Variants in PCGF5 observed in about 807,000 individuals in gnomAD.
The protein encoded by PCGF5 is polycomb group RING finger protein 5.
A neutral mutation model predicts 44.3 loss-of-function variants in PCGF5; 9 were observed. The observed-to-expected ratio is 0.20, with a 90% confidence interval of 0.12 to 0.35. PCGF5 has a LOEUF of 0.35. PCGF5 is among the 10% of genes least tolerant of loss of function. The probability of loss-of-function intolerance (pLI) is 1.00; values close to 1 mark genes in which losing one functional copy is unlikely to be tolerated. For missense variants in PCGF5, 146 were observed against 305.3 expected (o/e 0.48, Z 3.89); for synonymous variants, 95 against 102.5 (o/e 0.93, Z 0.44).
intron 2 of PCGF5, among the ~76,000 whole-genome samples, chr10:91,233,090 G>A (rs1433572478): frequency 2.0e-5 from 3 of 152,058 alleles, no homozygotes; most frequent in East Asian, 1.9e-4. Flanking sequence ...AAGGGGAGTC[G>A]AAGTACAAAA....
chr10:91,249,996 G>T (rs567715947), intron 5 of PCGF5, among the ~76,000 whole-genome samples: 3 of 152,056 alleles, frequency 2.0e-5, no homozygotes, highest in African/African-American at 4.8e-5. Context: ...CAGAAGTTAC[G>T]TGGTAGGTTT....
At chr10:91,178,825 G>A (rs1268997028) in intron 1 of PCGF5, among the ~76,000 whole-genome samples, 2 of 152,102 alleles carry the variant, frequency 1.3e-5, no homozygotes, top group Admixed American at 1.3e-4. Context: ...TGTGTCCAGA[G>A]CCATTCCTTT....
intron 7 of PCGF5, among the ~76,000 whole-genome samples, chr10:91,262,301 C>T (rs1452448563): frequency 6.6e-6 from 1 of 152,174 alleles, no homozygotes; most frequent in East Asian, 1.9e-4. Context: ...TGGCAGGTGC[C>T]TGTATTCTCA....
At chr10:91,172,641 G>T (rs1030685569) in intron 1 of PCGF5, among the ~76,000 whole-genome samples, 19 of 152,218 alleles carry the variant, frequency 1.2e-4, no homozygotes, top group African/African-American at 4.6e-4. Flanking sequence ...TGGCAAAAAG[G>T]TGTTGGTTAC....
intron 1 of PCGF5, among the ~76,000 whole-genome samples, chr10:91,204,178 GTC>G (rs1461273974): frequency 2.0e-5 from 3 of 152,120 alleles, no homozygotes; most frequent in African/African-American, 7.2e-5. Flanking sequence ...ATAAGTTTAT[GTC>G]TACTCTTTAC....
intron 6 of PCGF5, among the ~76,000 whole-genome samples, chr10:91,259,258 C>T (rs1027318257): frequency 1.3e-5 from 2 of 152,098 alleles, no homozygotes; most frequent in African/African-American, 2.4e-5. Context: ...ACACTATTCT[C>T]CCCAACACAA....
chr10:91,284,303 G>A lies in PCGF5; in HGVS notation c.*5987G>A, dbSNP rs1314403373. 1 of 152,438 alleles carries A rather than the reference G, an allele frequency of 6.6e-6. No individual in the cohort carries two copies. The highest frequency in any genetic ancestry group is 1.9e-4 in the East Asian group (1 of 5,202). 9.4% of individuals were successfully genotyped at this position (152,438 alleles called of 1,614,324 possible). A position where few individuals can be genotyped will look rare whatever the true frequency, so the allele number is the denominator to read the frequency against. ...TCTTTAATATTAGTCACTGTAGATT[G>A]CAGCCTTCATTAAAAATATCTCCTT... On this transcript the variant is annotated 3_prime_UTR_variant, in exon 10 of 10. Transcript: ENST00000336126.
rs1485435619 is a variant in PCGF5, at chr10:91,280,968, C to A, written c.*2652C>A. 6.6e-6 allele frequency: 1 copy of A among 152,354 alleles called. No homozygotes were observed. Among genetic ancestry groups the A allele is most frequent in the Admixed American group, 6.6e-5 (1 of 15,258 alleles). 9.4% of individuals were successfully genotyped at this position (152,354 alleles called of 1,614,324 possible). A position where few individuals can be genotyped will look rare whatever the true frequency, so the allele number is the denominator to read the frequency against. On this transcript the variant is annotated 3_prime_UTR_variant, in exon 10 of 10. Transcript: ENST00000336126. The stretch of plus-strand genomic sequence containing the variant: ...GTTTCTTAAGCAATAAACTGAAAGA[C>A]CTTTACTTCCATAAAAGATTTTGTT...
upstream of PCGF5, among the ~76,000 whole-genome samples, chr10:91,216,422 G>T (rs1450374115): frequency 1.3e-5 from 2 of 152,178 alleles, no homozygotes; most frequent in Non-Finnish European, 2.9e-5. Context: ...GGAGCACAGA[G>T]TTCAAGTGGG....
intron 3 of PCGF5, among the ~76,000 whole-genome samples, chr10:91,243,596 G>A (rs1359321090): frequency 3.9e-5 from 6 of 152,156 alleles, no homozygotes. Context: ...GTCTGTATTT[G>A]TACTCTCCAG....
chr10:91,250,503 T>TTC (rs1845597720), intron 5 of PCGF5, among the ~76,000 whole-genome samples: 2 of 151,182 alleles, frequency 1.3e-5, no homozygotes, highest in African/African-American at 4.9e-5. Context: ...TTTTCTTTTT[T>TTC]TTTTTTTTTT....
intron 2 of PCGF5, chr10:91,227,191 T>C: frequency 2.6e-6 from 1 of 382,150 alleles, no homozygotes; most frequent in East Asian, 7.2e-5. Context: ...TTGAGCAAAC[T>C]TATATGCCAA....
At chr10:91,253,811 CAG>C (rs1470562398) in intron 6 of PCGF5, among the ~76,000 whole-genome samples, 2 of 152,088 alleles carry the variant, frequency 1.3e-5, no homozygotes, top group East Asian at 3.9e-4. Context: ...TGACCAATCT[CAG>C]GGTCAGATGG....
chr10:91,222,310 A>G, intron 1 of PCGF5, among the ~76,000 whole-genome samples: 1 of 152,200 alleles, frequency 6.6e-6, no homozygotes, highest in East Asian at 1.9e-4. Context: ...TTAAAAATGG[A>G]AATGGGGAAC....
intron 1 of PCGF5, among the ~76,000 whole-genome samples, chr10:91,193,533 G>A (rs959114947): frequency 2.6e-5 from 4 of 151,920 alleles, no homozygotes; most frequent in South Asian, 2.1e-4. Context: ...GTACACCTGC[G>A]TGTTTGAGGG....
chr10:91,204,995 C>T (rs561808658), intron 1 of PCGF5, among the ~76,000 whole-genome samples: 2 of 152,232 alleles, frequency 1.3e-5, no homozygotes, highest in African/African-American at 4.8e-5. Context: ...AACTATCTAG[C>T]AAATTTGTAA....
Position 91,274,235 on chromosome 10 carries a change from C to T in PCGF5, c.723+2538C>T, listed in dbSNP as rs1168736943. 2.0e-5 allele frequency among the ~76,000 whole-genome samples: 3 copies of T among 152,076 alleles called. No homozygotes were observed. The East Asian group carries it at 5.8e-4, about 29-fold the overall frequency. ...TTTACCAGATCTTTGTTTAACTTGACAAAGTCAGTCATTCTAAAGCTCATA... is the reference window on the plus strand; with the variant it reads ...TTTACCAGATCTTTGTTTAACTTGATAAAGTCAGTCATTCTAAAGCTCATA... On this transcript the variant is annotated intron_variant, in intron 9 of 9. Transcript: ENST00000336126.
At chr10:91,276,758 G>A (rs937409388) in intron 9 of PCGF5, among the ~76,000 whole-genome samples, 6 of 152,132 alleles carry the variant, frequency 3.9e-5, no homozygotes, top group African/African-American at 1.4e-4. Context: ...AGTGGCTTAT[G>A]TATTTGCAGA....
intron 1 of PCGF5, among the ~76,000 whole-genome samples, chr10:91,181,110 T>A (rs973351471): frequency 6.6e-6 from 1 of 152,226 alleles, no homozygotes; most frequent in Admixed American, 6.5e-5. Flanking sequence ...TTATGGCAAT[T>A]GTGCATGGGA....
Sources: gnomAD v4.1 joint callset for allele counts (sites outside exome capture counted in the v4.1 genomes callset) on GRCh38, gnomAD v4.1.1 for gene constraint, MANE v1.5 for transcripts, NCBI Gene and HGNC (gene_info 2026-07-23, HGNC 2026-07-21) for gene names.